Variants in TTC19 observed in about 807,000 individuals in gnomAD.
TTC19 encodes tetratricopeptide repeat domain 19.
TTC19 carries 38 observed loss-of-function variants against 49.5 expected under a neutral mutation model. That is an observed-to-expected ratio of 0.77 (90% confidence interval 0.59 to 1.01). TTC19 has a LOEUF of 1.01. TTC19 is among the 50% of genes least tolerant of loss of function. The pLI is 0.00. For missense variants in TTC19, 475 were observed against 477.7 expected, an observed-to-expected ratio of 0.99 and a Z score of 0.05; for synonymous variants, 204 against 185.2, an observed-to-expected ratio of 1.10 and a Z score of -0.83.
downstream of TTC19, chr17:16,032,079 T>C: frequency 2.0e-6 from 1 of 512,594 alleles, no homozygotes. Context: ...TATAGTCCAC[T>C]GAATTGCCTG....
chr17:16,001,741 C>T (rs1054073526), intron 2 of TTC19, among the ~76,000 whole-genome samples, 174 bp from the exon 3 acceptor site: 12 of 152,166 alleles, frequency 7.9e-5, no homozygotes, highest in African/African-American at 2.9e-4. Flanking sequence ...GGAGGCTGAC[C>T]TCCCTGTCAT....
chr17:16,014,770 G>A (rs964041726), intron 7 of TTC19, among the ~76,000 whole-genome samples: 8 of 152,128 alleles, frequency 5.3e-5, no homozygotes, highest in African/African-American at 1.7e-4. Flanking sequence ...TACTTAACCT[G>A]TAATTGTTTC....
At chr17:16,013,926 G>T (rs557792396) in intron 7 of TTC19, among the ~76,000 whole-genome samples, 1 of 152,198 alleles carries the variant, frequency 6.6e-6, no homozygotes, top group South Asian at 2.1e-4. Context: ...AGGTTTAACA[G>T]TAAGGACATT....
chr17:16,032,843 G>C (rs560594534), downstream of TTC19, among the ~76,000 whole-genome samples: 2 of 152,348 alleles, frequency 1.3e-5, no homozygotes, highest in African/African-American at 4.8e-5. Context: ...CAAGAGAAAT[G>C]CAAGAGTATA....
intron 7 of TTC19, among the ~76,000 whole-genome samples, chr17:16,016,417 A>T (rs941854030): frequency 6.6e-6 from 1 of 152,130 alleles, no homozygotes; most frequent in Admixed American, 6.5e-5. Flanking sequence ...CTTATCCTGG[A>T]GAATGTTGTA....
chr17:16,043,786 G>T, intron 2 of TTC19, among the ~76,000 whole-genome samples: 1 of 152,202 alleles, frequency 6.6e-6, no homozygotes, highest in African/African-American at 2.4e-5. Flanking sequence ...TTGAAAACAA[G>T]AGTATATTTT....
intron 2 of TTC19, among the ~76,000 whole-genome samples, chr17:16,037,885 T>A (rs188311797): frequency 6.6e-6 from 1 of 152,228 alleles, no homozygotes; most frequent in African/African-American, 2.4e-5. Flanking sequence ...AGAGCCCAGG[T>A]CATCAGCAAA....
At chr17:16,044,973 C>T (rs1018234953) in exon 3 of TTC19, 10 of 520,346 alleles carry the variant, frequency 1.9e-5, no homozygotes, top group South Asian at 1.4e-4. Context: ...TTTCTTATAA[C>T]GTGTTCAATA....
intron 2 of TTC19, chr17:16,040,640 A>G: frequency 1.3e-6 from 1 of 795,482 alleles, no homozygotes; most frequent in South Asian, 1.6e-5. Flanking sequence ...TGAAGATAAA[A>G]TGGAAGTATT....
downstream of TTC19, among the ~76,000 whole-genome samples, chr17:16,033,806 G>A (rs1973149845): frequency 6.6e-6 from 1 of 152,034 alleles, no homozygotes; most frequent in African/African-American, 2.4e-5. Context: ...ACAGATGATG[G>A]CTTTTTTTGT....
At chr17:16,013,009 GA>G (rs1971118417) in intron 7 of TTC19, among the ~76,000 whole-genome samples, 1 of 152,172 alleles carries the variant, frequency 6.6e-6, no homozygotes. Flanking sequence ...TTTGAGACCA[GA>G]CTGGGCAACA....
Position 16,027,573 on chromosome 17 carries a change from A to G in TTC19, c.*51A>G. The G allele has an allele frequency of 1.3e-6, 2 of 1,598,826 alleles. No homozygotes were observed. Among genetic ancestry groups the G allele is most frequent in the South Asian group, 2.2e-5 (2 of 90,508 alleles). On this transcript the variant is annotated 3_prime_UTR_variant, in exon 10 of 10. Coordinates refer to ENST00000261647, the MANE Select transcript of TTC19 (RefSeq NM_017775.4). ...TGTCTAGTAATGTGGAAGAATAGCTATCATTCCTGTCTCTGTGGCACCCGA... is the reference window on the plus strand; with the variant it reads ...TGTCTAGTAATGTGGAAGAATAGCTGTCATTCCTGTCTCTGTGGCACCCGA...
chr17:16,010,800 C>T (rs1329111071), intron 7 of TTC19, among the ~76,000 whole-genome samples: 1 of 152,182 alleles, frequency 6.6e-6, no homozygotes, highest in East Asian at 1.9e-4. Flanking sequence ...CCAGTTTCCT[C>T]TGGTATTTAC....
intron 2 of TTC19, among the ~76,000 whole-genome samples, chr17:16,037,638 AC>A (rs902903899): frequency 6.6e-6 from 1 of 152,196 alleles, no homozygotes; most frequent in Non-Finnish European, 1.5e-5. Context: ...CTAATGACCA[AC>A]CCCCCTTTCC....
intron 9 of TTC19, 168 bp downstream of exon 9, chr17:16,026,870 A>G (rs1971579214): frequency 1.3e-6 from 1 of 746,842 alleles, no homozygotes; most frequent in Non-Finnish European, 2.3e-6. Flanking sequence ...TTGAAGTACT[A>G]TTGTGTTCAA....
chr17:16,027,349 G>A, intron 9 of TTC19, 25 bp from the exon 10 acceptor site: 1 of 1,613,316 alleles, frequency 6.2e-7, no homozygotes, highest in Non-Finnish European at 8.5e-7. Flanking sequence ...TCTTCTTACT[G>A]TCCCTTCTCT....
At chr17:16,041,740 A>T (rs182006610) in intron 2 of TTC19, among the ~76,000 whole-genome samples, 3,008 of 148,936 alleles carry the variant, frequency 0.02, 102 homozygotes, top group African/African-American at 0.07. Context: ...TTAATTTATT[A>T]ATTAATTTAT....
intron 7 of TTC19, chr17:16,024,798 A>C: frequency 1.8e-6 from 1 of 566,922 alleles, no homozygotes; most frequent in Non-Finnish European, 3.2e-6. Flanking sequence ...CAAACTAAAA[A>C]TAACATTCCA....
chr17:16,006,111 T>C (rs1057198239), intron 6 of TTC19, among the ~76,000 whole-genome samples: 1 of 152,170 alleles, frequency 6.6e-6, no homozygotes, highest in Admixed American at 6.6e-5. Flanking sequence ...TAAAAAGAAT[T>C]TGTGAAAAGG....
Sources: gnomAD v4.1 joint callset for allele counts (sites outside exome capture counted in the v4.1 genomes callset) on GRCh38, gnomAD v4.1.1 for gene constraint, MANE v1.5 for transcripts, NCBI Gene and HGNC (gene_info 2026-07-23, HGNC 2026-07-21) for gene names.